BICD1: variants seen among roughly 807,000 people sequenced by gnomAD.
BICD1 encodes protein bicaudal D homolog 1.
BICD1 carries 35 observed loss-of-function variants against 92.5 expected under a neutral mutation model. The observed-to-expected ratio is 0.38, with a 90% CI of 0.29 to 0.50. BICD1 has a LOEUF of 0.50. BICD1 is among the 20% of genes least tolerant of loss of function. The probability of loss-of-function intolerance (pLI) is 0.93; values close to 1 mark genes in which losing one functional copy is unlikely to be tolerated. For synonymous variants in BICD1, 429 were observed against 465.1 expected, an observed-to-expected ratio of 0.92 and a Z score of 1.00; for missense variants, 950 against 1,189.8, an observed-to-expected ratio of 0.80 and a Z score of 2.97.
At chr12:32,311,032 C>T (rs1025432744) in intron 4 of BICD1, among the ~76,000 whole-genome samples, 1 of 152,074 alleles carries the variant, frequency 6.6e-6, no homozygotes, top group Non-Finnish European at 1.5e-5. Flanking sequence ...GTCGACGAAG[C>T]AAGTCAAACT....
chr12:32,249,136 AT>A (rs1946464759), intron 2 of BICD1, among the ~76,000 whole-genome samples: 1 of 152,180 alleles, frequency 6.6e-6, no homozygotes, highest in African/African-American at 2.4e-5. Context: ...ACACCTGTGT[AT>A]TATACAGCAC....
Position 32,311,148 on chromosome 12 carries a change from T to C in BICD1, c.1005+5026T>C, listed in dbSNP as rs1948364008. Among the ~76,000 whole-genome samples the C allele has an allele frequency of 3.3e-5, 5 of 152,136 alleles. No individual in the cohort carries two copies. In the South Asian group the frequency reaches 1.0e-3, roughly 32 times the overall value. ...GAACATATGCCCAAGGTGGTCGGGG[T>C]ACAGCTTGGTTTTATATATTTTAGG... On this transcript the variant is annotated intron_variant, in intron 4 of 9. Coordinates refer to ENST00000652176, the MANE Select transcript of BICD1 (RefSeq NM_001714.4).
intron 1 of BICD1, among the ~76,000 whole-genome samples, chr12:32,207,396 C>G (rs1380024165): frequency 6.6e-6 from 1 of 151,972 alleles, no homozygotes. Context: ...GGGTATTACA[C>G]CAGGTTATCA....
Position 32,200,394 on chromosome 12 carries a change from C to T in BICD1, c.214-15853C>T, listed in dbSNP as rs75114295. 4.3e-4 allele frequency among the ~76,000 whole-genome samples: 66 copies of T among 152,352 alleles called. 2 individuals are homozygous for T. The East Asian group carries it at 0.012, about 27-fold the overall frequency. ...ATGGTTTGCTCTAGTTGAGCCTAAA[C>T]AAGCTCATGGCTCCCTCTCCTTAAA... On this transcript the variant is annotated intron_variant, in intron 1 of 9. Coordinates refer to ENST00000652176, the MANE Select transcript of BICD1 (RefSeq NM_001714.4).
At chr12:32,176,828 T>C (rs1944102706) in intron 1 of BICD1, among the ~76,000 whole-genome samples, 1 of 152,142 alleles carries the variant, frequency 6.6e-6, no homozygotes, top group Non-Finnish European at 1.5e-5. Context: ...TGATGGACAT[T>C]TGAGTCATTT....
At chr12:32,244,845 T>A (rs1451298928) in intron 2 of BICD1, among the ~76,000 whole-genome samples, 2 of 152,168 alleles carry the variant, frequency 1.3e-5, no homozygotes, top group Non-Finnish European at 2.9e-5. Context: ...GCCAGTATGA[T>A]CTCAATTTCT....
At chr12:32,198,567 G>A (rs1307877464) in intron 1 of BICD1, among the ~76,000 whole-genome samples, 1 of 140,194 alleles carries the variant, frequency 7.1e-6, no homozygotes, top group Non-Finnish European at 1.5e-5. Flanking sequence ...ATTTAATCTG[G>A]TGGTTGAGAG....
chr12:32,362,227 G>A (rs111557353), intron 8 of BICD1, among the ~76,000 whole-genome samples: 68 of 152,338 alleles, frequency 4.5e-4, no homozygotes, highest in African/African-American at 1.6e-3. Context: ...GGGCATGGTG[G>A]TGCATGCCTG....
At chr12:32,310,899 T>C (rs1948355062) in intron 4 of BICD1, among the ~76,000 whole-genome samples, 1 of 152,226 alleles carries the variant, frequency 6.6e-6, no homozygotes. Context: ...GAAAACAGTA[T>C]ACCTAGTCCA....
chr12:32,120,127 T>C (rs561736711), intron 1 of BICD1, among the ~76,000 whole-genome samples: 21 of 152,214 alleles, frequency 1.4e-4, no homozygotes, highest in Non-Finnish European at 2.9e-4. Flanking sequence ...TATTTTATTC[T>C]GTTTGCAGTT....
At chr12:32,173,053 T>G (rs904127201) in intron 1 of BICD1, among the ~76,000 whole-genome samples, 2 of 140,896 alleles carry the variant, frequency 1.4e-5, no homozygotes, top group Admixed American at 1.4e-4. Context: ...GAGTTTTTTT[T>G]TTTGTTTTTT....
chr12:32,348,156 G>C lies in BICD1; in HGVS notation c.2764+9177G>C, dbSNP rs572548431. On this transcript the variant is annotated intron_variant, in intron 8 of 9. Transcript: ENST00000652176. ...GTTCTCTCCTCTGTCCAGTATTCCT[G>C]TCCAGAAATTACATTTCCTTAAAAG... Among the ~76,000 whole-genome samples, 3 of 152,180 alleles carry C rather than the reference G, an allele frequency of 2.0e-5. No individual in the cohort carries two copies. The East Asian group carries it at 5.8e-4, about 29-fold the overall frequency.
intron 8 of BICD1, among the ~76,000 whole-genome samples, chr12:32,341,463 CAAA>C (rs36000130): frequency 8.2e-6 from 1 of 121,718 alleles, no homozygotes. Flanking sequence ...GACACTGTCT[CAAA>C]AAAAAAAAAA....
intron 1 of BICD1, among the ~76,000 whole-genome samples, chr12:32,182,112 A>G (rs925766682): frequency 1.8e-4 from 27 of 151,896 alleles, no homozygotes; most frequent in East Asian, 7.7e-4. Flanking sequence ...AAGAATATCA[A>G]TGTAAAACAG....
chr12:32,253,313 A>G (rs1946616633), intron 2 of BICD1, among the ~76,000 whole-genome samples: 1 of 152,182 alleles, frequency 6.6e-6, no homozygotes, highest in East Asian at 1.9e-4. Context: ...TGCAAGATGC[A>G]GACTTGAGGA....
chr12:32,155,535 A>G (rs188726915), intron 1 of BICD1, among the ~76,000 whole-genome samples: 33 of 152,318 alleles, frequency 2.2e-4, no homozygotes, highest in Non-Finnish European at 4.0e-4. Context: ...AGTCAAAAAT[A>G]CTTGTTTATT....
At chr12:32,216,583 A>C in intron 2 of BICD1, 124 bp downstream of exon 2, 1 of 942,958 alleles carries the variant, frequency 1.1e-6, no homozygotes, top group Non-Finnish European at 1.6e-6. Flanking sequence ...GAAACTACTA[A>C]TACTGAGCTA....
chr12:32,358,192 C>T (rs930411009), intron 8 of BICD1, among the ~76,000 whole-genome samples: 2 of 152,000 alleles, frequency 1.3e-5, no homozygotes, highest in Admixed American at 6.6e-5. Context: ...ACCTCCACCT[C>T]CCGGGTTCAA....
intron 1 of BICD1, among the ~76,000 whole-genome samples, chr12:32,189,577 A>G (rs984960572): frequency 1.3e-5 from 2 of 152,242 alleles, no homozygotes; most frequent in African/African-American, 4.8e-5. Context: ...AAGTTAAAAG[A>G]CAAAAGTATT....
Sources: gnomAD v4.1 joint callset for allele counts (sites outside exome capture counted in the v4.1 genomes callset) on GRCh38, gnomAD v4.1.1 for gene constraint, MANE v1.5 for transcripts, NCBI Gene and HGNC (gene_info 2026-07-23, HGNC 2026-07-21) for gene names.